The following SIPA1L2 variants were observed in gnomAD, a reference collection of about 807,000 sequenced individuals.
The protein encoded by SIPA1L2 is signal-induced proliferation-associated 1-like protein 2.
SIPA1L2 carries 56 observed loss-of-function variants against 163.9 expected under a neutral mutation model. The ratio of observed to expected loss-of-function variants is 0.34; its 90% CI spans 0.28 to 0.43. The LOEUF is 0.43. Among genes scored for constraint, SIPA1L2 ranks in the 20% least tolerant of loss-of-function variants. The pLI is 1.00. For missense variants in SIPA1L2, 1,974 were observed against 2,193.5 expected (o/e 0.90, Z 2.00); for synonymous variants, 877 against 865.7 (o/e 1.01, Z -0.23).
chr1:232,583,912 G>A (rs1018305486), intron 1 of SIPA1L2, among the ~76,000 whole-genome samples: 31 of 151,940 alleles, frequency 2.0e-4, no homozygotes, highest in African/African-American at 7.0e-4. Flanking sequence ...ATTCTCCTTC[G>A]AAGCAAGCCA....
At chr1:232,581,439 G>A (rs1025393717) in intron 1 of SIPA1L2, among the ~76,000 whole-genome samples, 25 of 152,168 alleles carry the variant, frequency 1.6e-4, no homozygotes, top group Non-Finnish European at 2.6e-4. Context: ...ACGTAGGGAA[G>A]GCAGAGCAAG....
intron 1 of SIPA1L2, among the ~76,000 whole-genome samples, chr1:232,591,877 A>G (rs1573137249): frequency 6.6e-6 from 1 of 152,212 alleles, no homozygotes; most frequent in East Asian, 1.9e-4. Context: ...TTTTTAATTT[A>G]CTAGAACTGG....
intron 2 of SIPA1L2, among the ~76,000 whole-genome samples, chr1:232,524,979 G>A (rs75803698): frequency 0.015 from 2,307 of 151,932 alleles, 61 homozygotes; most frequent in African/African-American, 0.053. Flanking sequence ...ATTTTTTTAA[G>A]ATCCTTCATA....
At chr1:232,572,690 C>CATACATAT (rs1202550251) in intron 2 of SIPA1L2, among the ~76,000 whole-genome samples, 1 of 51,212 alleles carries the variant, frequency 2.0e-5, no homozygotes, top group Non-Finnish European at 3.8e-5. Context: ...CACACATATA[C>CATACATAT]ATACATATAT....
At chr1:232,608,628 CCAAGTTACT>C (rs1479675524) in intron 1 of SIPA1L2, among the ~76,000 whole-genome samples, 1 of 152,110 alleles carries the variant, frequency 6.6e-6, no homozygotes, top group Non-Finnish European at 1.5e-5. Flanking sequence ...TTTGGTGTTG[CCAAGTTACT>C]CGAGTTACTA....
chr1:232,525,517 A>G (rs1667663210), intron 2 of SIPA1L2, among the ~76,000 whole-genome samples: 1 of 151,560 alleles, frequency 6.6e-6, no homozygotes, highest in Admixed American at 6.6e-5. Flanking sequence ...TGGCCTCCCA[A>G]AGTGCTGGGA....
At chr1:232,404,776 A>C (rs1310864961) in intron 19 of SIPA1L2, among the ~76,000 whole-genome samples, 1 of 152,172 alleles carries the variant, frequency 6.6e-6, no homozygotes, top group Non-Finnish European at 1.5e-5. Context: ...CATGCAGGAA[A>C]ATATTCTGTT....
In SIPA1L2 at chr1:232,398,954, G is replaced by T; in HGVS notation, c.*173C>A. On this transcript the variant is annotated 3_prime_UTR_variant, in exon 23 of 23. Coordinates refer to ENST00000674635, the MANE Select transcript of SIPA1L2 (RefSeq NM_020808.5). Reference sequence around the variant, plus strand: ...TCACATCGGCGCTGCTCTCTGCCGTGGTTACCGAGAAAGAGTCGAGGCTCC... The same window carrying T: ...TCACATCGGCGCTGCTCTCTGCCGTTGTTACCGAGAAAGAGTCGAGGCTCC... The T allele has an allele frequency of 1.3e-6, 1 of 783,116 alleles. No homozygotes were observed. Among genetic ancestry groups the T allele is most frequent in the Non-Finnish European group, 2.0e-6 (1 of 503,030 alleles). The allele number at this position is 783,116 out of a possible 1,614,324, so 48.5% of individuals were successfully genotyped here.
intron 1 of SIPA1L2, among the ~76,000 whole-genome samples, chr1:232,625,103 G>A (rs755160526): frequency 6.6e-6 from 1 of 152,118 alleles, no homozygotes; most frequent in Non-Finnish European, 1.5e-5. Context: ...AACTTGGTCA[G>A]TAGAACCAGC....
At chr1:232,610,822 C>T (rs1306679540) in intron 1 of SIPA1L2, among the ~76,000 whole-genome samples, 1 of 152,064 alleles carries the variant, frequency 6.6e-6, no homozygotes, top group African/African-American at 2.4e-5. Context: ...GGAGGAACAC[C>T]TTAGTTCAGG....
At chr1:232,421,805 C>T (rs1053186211) in intron 18 of SIPA1L2, among the ~76,000 whole-genome samples, 2 of 152,184 alleles carry the variant, frequency 1.3e-5, no homozygotes, top group African/African-American at 4.8e-5. Flanking sequence ...CTTCAAGGGG[C>T]ATTCTTTGTG....
At chr1:232,532,876 A>G (rs780990304) in intron 2 of SIPA1L2, among the ~76,000 whole-genome samples, 5 of 152,214 alleles carry the variant, frequency 3.3e-5, no homozygotes, top group Admixed American at 6.5e-5. Flanking sequence ...TGCAGGAGAA[A>G]CGCTAAAGAG....
chr1:232,543,247 C>A (rs755630595), intron 2 of SIPA1L2, among the ~76,000 whole-genome samples: 1 of 152,204 alleles, frequency 6.6e-6, no homozygotes. Flanking sequence ...GTATCATATA[C>A]AAACATTAAT....
rs528590813 is a variant in SIPA1L2 at position 232,479,223 on chromosome 1, C to T, written c.2085+404G>A. 6.0e-4 allele frequency among the ~76,000 whole-genome samples: 92 copies of T among 152,104 alleles called. 1 individual carries two copies. Among genetic ancestry groups the T allele is most frequent in the African/African-American group, 2.1e-3 (89 of 41,506 alleles). On this transcript the variant is annotated intron_variant, in intron 7 of 22. Transcript: ENST00000674635. ...ATAAATCCATTTAAAACAACAAAAA[C>T]GAAATGGAGAGGAACAGCTGAAAAT...
At chr1:232,434,378 C>T (rs759515589) in intron 15 of SIPA1L2, among the ~76,000 whole-genome samples, 23 of 152,270 alleles carry the variant, frequency 1.5e-4, no homozygotes, top group African/African-American at 3.8e-4. Flanking sequence ...ACAAACAAAG[C>T]GCCTCATCTA....
intron 3 of SIPA1L2, among the ~76,000 whole-genome samples, chr1:232,496,675 C>A (rs1233024998): frequency 4.6e-5 from 7 of 152,158 alleles, no homozygotes; most frequent in Non-Finnish European, 8.8e-5. Context: ...ATTACTGGAC[C>A]CATGGCAGTA....
chr1:232,411,390 C>A (rs964514458), intron 19 of SIPA1L2, among the ~76,000 whole-genome samples: 3 of 152,172 alleles, frequency 2.0e-5, no homozygotes, highest in African/African-American at 7.2e-5. Flanking sequence ...CTGTCCTCTG[C>A]AGGGAGATGG....
At chr1:232,548,539 T>C (rs1658184117) in intron 2 of SIPA1L2, among the ~76,000 whole-genome samples, 1 of 152,250 alleles carries the variant, frequency 6.6e-6, no homozygotes, top group African/African-American at 2.4e-5. Context: ...TATACTTTAT[T>C]CATTTACTCT....
At chr1:232,461,820 T>C (rs1020212205) in intron 9 of SIPA1L2, among the ~76,000 whole-genome samples, 1 of 152,178 alleles carries the variant, frequency 6.6e-6, no homozygotes, top group Non-Finnish European at 1.5e-5. Flanking sequence ...GAGTGTTCTG[T>C]CCCCTAGGGT....
Sources: allele counts gnomAD v4.1 joint callset (sites outside exome capture counted in the v4.1 genomes callset), GRCh38; gene constraint gnomAD v4.1.1; transcripts MANE v1.5; gene names NCBI Gene and HGNC (gene_info 2026-07-23, HGNC 2026-07-21).